The following RORA variants were observed in gnomAD, a reference collection of about 807,000 sequenced individuals.
RORA encodes nuclear receptor ROR-alpha.
Under a neutral mutation model 69.5 loss-of-function variants are expected in RORA, and 7 were observed. The ratio of observed to expected loss-of-function variants is 0.10; its 90% CI spans 0.06 to 0.19. The LOEUF is 0.19. Among genes scored for constraint, RORA ranks in the 10% least tolerant of loss-of-function variants. The probability of loss-of-function intolerance (pLI) is 1.00; values close to 1 mark genes in which losing one functional copy is unlikely to be tolerated. For synonymous variants in RORA, 261 were observed against 240.8 expected (o/e 1.08, Z -0.78); for missense variants, 457 against 663.0 (o/e 0.69, Z 3.41).
At chr15:60,541,071 G>A (rs2066856902) in intron 2 of RORA, among the ~76,000 whole-genome samples, 2 of 152,066 alleles carry the variant, frequency 1.3e-5, no homozygotes, top group South Asian at 4.2e-4. Flanking sequence ...AGAGATGAGG[G>A]AAGGATCCGG....
intron 1 of RORA, among the ~76,000 whole-genome samples, chr15:61,085,984 G>A (rs1177788548): frequency 6.6e-6 from 1 of 152,188 alleles, no homozygotes; most frequent in Non-Finnish European, 1.5e-5. Flanking sequence ...CTGGGTCATA[G>A]TTTGTCAACT....
intron 2 of RORA, among the ~76,000 whole-genome samples, chr15:60,554,418 C>G (rs2067304534): frequency 1.3e-5 from 2 of 151,998 alleles, no homozygotes; most frequent in Admixed American, 6.6e-5. Context: ...AAAAAATCAG[C>G]AAATGCTTAG....
chr15:60,505,643 G>T lies in RORA; in HGVS notation c.821-14C>A, dbSNP rs765649085. On this transcript the variant is annotated splice_polypyrimidine_tract_variant and intron_variant, in intron 5 of 10. Transcript: ENST00000335670. ...GTGCAAGGTGTTCTAAGGAGAAAAC[G>T]GGAGATCACAAACACGAAAAGCGAA... is the stretch of plus-strand genomic sequence containing the variant. 2 of 1,610,862 alleles carry T rather than the reference G, an allele frequency of 1.2e-6. No individual in the cohort carries two copies. Among genetic ancestry groups the T allele is most frequent in the Non-Finnish European group, 1.7e-6 (2 of 1,178,520 alleles).
intron 1 of RORA, among the ~76,000 whole-genome samples, chr15:61,219,222 C>A (rs533496625): frequency 6.6e-6 from 1 of 152,278 alleles, no homozygotes; most frequent in African/African-American, 2.4e-5. Flanking sequence ...CAAAATAACC[C>A]ATGCTTAATT....
intron 5 of RORA, among the ~76,000 whole-genome samples, chr15:60,506,503 G>A (rs1004627413): frequency 1.3e-5 from 2 of 152,120 alleles, no homozygotes; most frequent in Non-Finnish European, 2.9e-5. Context: ...AGATAATAAG[G>A]TATAAAGTTG....
chr15:61,030,985 T>TA (rs888460777), intron 1 of RORA, among the ~76,000 whole-genome samples: 8 of 152,320 alleles, frequency 5.3e-5, no homozygotes, highest in Admixed American at 1.3e-4. Flanking sequence ...TCATTTTAAT[T>TA]AAAAAACCCA....
rs375716313 is a variant in RORA, at chr15:60,515,290, G to A, written c.283-533C>T. Among the ~76,000 whole-genome samples, 44 of 152,270 alleles carry A rather than the reference G, an allele frequency of 2.9e-4. No homozygotes were observed. The East Asian group carries it at 4.6e-3, about 16-fold the overall frequency. On this transcript the variant is annotated intron_variant, in intron 3 of 10. Transcript: ENST00000335670. ...ACTCCCCAAGTCTGAATCTGCTATC[G>A]CAAGCATTAGATAACACTTGGAGGG...
chr15:61,012,395 C>A (rs1895114128), intron 1 of RORA, among the ~76,000 whole-genome samples: 1 of 152,140 alleles, frequency 6.6e-6, no homozygotes, highest in Admixed American at 6.5e-5. Flanking sequence ...GTTCCTCTTG[C>A]CTTATTCTCT....
chr15:60,777,625 G>A (rs1467432444), intron 1 of RORA, among the ~76,000 whole-genome samples: 1 of 152,172 alleles, frequency 6.6e-6, no homozygotes, highest in African/African-American at 2.4e-5. Context: ...GTGGGCTGCA[G>A]TCCCCAGATG....
intron 2 of RORA, among the ~76,000 whole-genome samples, chr15:60,655,401 T>C (rs114432643): frequency 2.1e-4 from 32 of 152,234 alleles, no homozygotes; most frequent in African/African-American, 7.2e-4. Flanking sequence ...AAAGGAGACA[T>C]AGGCCATGAT....
rs185491242 is a variant in RORA at position 61,100,536 on chromosome 15, A to C, written c.166+128517T>G. 2.3e-3 allele frequency among the ~76,000 whole-genome samples: 352 copies of C among 152,306 alleles called. 1 individual carries two copies. The highest frequency in any genetic ancestry group is 8.0e-3 in the African/African-American group (333 of 41,580). On this transcript the variant is annotated intron_variant, in intron 1 of 10. Coordinates refer to ENST00000335670, the MANE Select transcript of RORA (RefSeq NM_134261.3). The stretch of plus-strand genomic sequence containing the variant: ...GTGCCCTTCTCCACTTCAGGGCTCC[A>C]GGGCTATCTGTGGCTAGAGAGGTCT...
At chr15:60,580,840 T>G (rs1438226794) in intron 2 of RORA, among the ~76,000 whole-genome samples, 2 of 152,228 alleles carry the variant, frequency 1.3e-5, no homozygotes, top group South Asian at 2.1e-4. Context: ...CTAGACTTTA[T>G]TGTTACTAGC....
At chr15:61,023,230 G>C (rs1296581555) in intron 1 of RORA, among the ~76,000 whole-genome samples, 3 of 144,222 alleles carry the variant, frequency 2.1e-5, no homozygotes, top group African/African-American at 7.6e-5. Flanking sequence ...ACTTGTATTA[G>C]TCCATTTTCA....
At chr15:60,837,735 G>A (rs749105967) in intron 1 of RORA, among the ~76,000 whole-genome samples, 6 of 152,066 alleles carry the variant, frequency 3.9e-5, no homozygotes, top group Non-Finnish European at 7.4e-5. Context: ...GTCTTCATCC[G>A]CTGTGAAATC....
At chr15:61,181,702 A>G (rs886683564) in intron 1 of RORA, among the ~76,000 whole-genome samples, 4 of 148,826 alleles carry the variant, frequency 2.7e-5, no homozygotes, top group East Asian at 2.0e-4. Context: ...AAAAAAAAAA[A>G]GGATAAAGTA....
At chr15:60,994,870 C>G (rs531908995) in intron 1 of RORA, among the ~76,000 whole-genome samples, 7 of 152,232 alleles carry the variant, frequency 4.6e-5, no homozygotes, top group African/African-American at 1.7e-4. Flanking sequence ...TTTGAAGACC[C>G]TTCGTTTTAA....
At chr15:60,683,994 G>A (rs895936676) in intron 1 of RORA, among the ~76,000 whole-genome samples, 10 of 152,142 alleles carry the variant, frequency 6.6e-5, no homozygotes, top group African/African-American at 1.9e-4. Context: ...GGTATTTCCC[G>A]TCAGTGCCAA....
intron 2 of RORA, among the ~76,000 whole-genome samples, chr15:60,550,598 G>T (rs931337055): frequency 1.3e-5 from 2 of 152,120 alleles, no homozygotes; most frequent in African/African-American, 4.8e-5. Context: ...CACACACATG[G>T]ATCAGCTTTC....
chr15:60,804,472 G>A (rs2072632083), intron 1 of RORA, among the ~76,000 whole-genome samples: 2 of 152,204 alleles, frequency 1.3e-5, no homozygotes, highest in South Asian at 4.2e-4. Context: ...ACCTGTCCAA[G>A]ATTGCACAGG....
Sources: gnomAD v4.1 joint callset for allele counts (sites outside exome capture counted in the v4.1 genomes callset) on GRCh38, gnomAD v4.1.1 for gene constraint, MANE v1.5 for transcripts, NCBI Gene and HGNC (gene_info 2026-07-23, HGNC 2026-07-21) for gene names.